MNAT1: variants seen among roughly 807,000 people sequenced by gnomAD.
MNAT1 encodes the protein MNAT1 component of CDK activating kinase.
In MNAT1, 43 loss-of-function variants were observed where a neutral mutation model predicts 42.0. The observed-to-expected ratio is 1.02, with a 90% CI of 0.80 to 1.32. The LOEUF is 1.32. Ranked by LOEUF, MNAT1 falls within the 40% of genes most tolerant of loss-of-function variation. The pLI is 0.00. For missense variants in MNAT1, 306 were observed against 350.4 expected (o/e 0.87, Z 1.01); for synonymous variants, 118 against 120.0 (o/e 0.98, Z 0.11).
chr14:60,920,540 C>T (rs1465433187), intron 7 of MNAT1, among the ~76,000 whole-genome samples: 1 of 152,092 alleles, frequency 6.6e-6, no homozygotes, highest in Admixed American at 6.6e-5. Context: ...CTGCCTCAGC[C>T]TCCTGAGTAG....
intron 7 of MNAT1, among the ~76,000 whole-genome samples, chr14:60,957,344 A>G (rs2036504545): frequency 1.3e-5 from 2 of 152,206 alleles, no homozygotes; most frequent in African/African-American, 4.8e-5. Flanking sequence ...ATTGACTCTC[A>G]GTTCCACATG....
chr14:60,934,173 C>CA, intron 7 of MNAT1, among the ~76,000 whole-genome samples: 1 of 152,300 alleles, frequency 6.6e-6, no homozygotes, highest in East Asian at 1.9e-4. Flanking sequence ...CTTCCAAGAG[C>CA]AACTTATCTG....
intron 1 of MNAT1, among the ~76,000 whole-genome samples, chr14:60,773,317 G>A (rs996582579): frequency 6.6e-6 from 1 of 152,130 alleles, no homozygotes; most frequent in African/African-American, 2.4e-5. Context: ...TTGATGTAGT[G>A]AGTGGAAGTA....
chr14:60,910,091 G>A (rs1178895317), intron 7 of MNAT1, among the ~76,000 whole-genome samples: 1 of 152,162 alleles, frequency 6.6e-6, no homozygotes, highest in Non-Finnish European at 1.5e-5. Context: ...AAGCAATTAT[G>A]AATGGGAGTT....
rs2032446453 is a variant in MNAT1 at position 60,808,425 on chromosome 14, G to A, written c.417G>A (p.Lys139=). Residue 139 remains lysine, a synonymous_variant, in exon 4 of 8, where the codon AAG becomes AAA. Transcript: ENST00000261245. ...ATGTTATTCAGAAAAATAAATTAAA[G>A]CTGGTCGGTTGCTAAGTATTTTCTT... is the stretch of plus-strand genomic sequence containing the variant. ...NKDVIQKNKL[K]LTREQEELEE... The A allele has an allele frequency of 2.0e-6, 3 of 1,515,556 alleles. No homozygotes were observed. The highest frequency in any genetic ancestry group is 2.7e-6 in the Non-Finnish European group (3 of 1,118,938). 93.9% of individuals were successfully genotyped at this position (1,515,556 alleles called of 1,614,324 possible). A position where few individuals can be genotyped will look rare whatever the true frequency, so the allele number is the denominator to read the frequency against.
At chr14:60,908,354 G>A (rs538001290) in intron 7 of MNAT1, among the ~76,000 whole-genome samples, 2 of 151,816 alleles carry the variant, frequency 1.3e-5, no homozygotes, top group African/African-American at 4.8e-5. Context: ...AAGTTTTACG[G>A]TATATGTGTA....
At chr14:60,915,889 T>C (rs1242596887) in intron 7 of MNAT1, among the ~76,000 whole-genome samples, 2 of 152,156 alleles carry the variant, frequency 1.3e-5, no homozygotes, top group East Asian at 3.9e-4. Flanking sequence ...TCAGAAGCAA[T>C]AGTATTCTTA....
rs550444755 is a variant in MNAT1 at position 60,968,971 on chromosome 14, C to T, written c.*622C>T. On this transcript the variant is annotated 3_prime_UTR_variant, in exon 8 of 8. Transcript: ENST00000261245. ...AAACCTTGATCAAGGTGTTATAGTT[C>T]CCAGCTGTGAGCCACACTCAGGATA... The T allele has an allele frequency of 3.2e-5, 5 of 156,528 alleles. No individual in the cohort carries two copies. The East Asian group carries it at 7.6e-4, about 24-fold the overall frequency. 9.7% of individuals were successfully genotyped at this position (156,528 alleles called of 1,614,324 possible).
At chr14:60,859,751 T>C (rs1035950937) in intron 6 of MNAT1, among the ~76,000 whole-genome samples, 2 of 152,188 alleles carry the variant, frequency 1.3e-5, no homozygotes, top group South Asian at 2.1e-4. Flanking sequence ...ACCTTACTGA[T>C]ACCAGGAAGT....
intron 1 of MNAT1, among the ~76,000 whole-genome samples, chr14:60,793,204 T>C (rs974432413): frequency 6.6e-6 from 1 of 151,244 alleles, no homozygotes; most frequent in African/African-American, 2.4e-5. Context: ...TTTTTGCTTG[T>C]TTGTTTGTTT....
chr14:60,869,886 A>G lies in MNAT1; in HGVS notation c.688-9828A>G, dbSNP rs4151278. On this transcript the variant is annotated intron_variant, in intron 6 of 7. Transcript: ENST00000261245. ...ATGTGTGTTTCTATTTTAACATAGT[A>G]TGTGTTTAGAGTTAACACAAAAGAT... Among the ~76,000 whole-genome samples, 302 of 152,288 alleles carry G rather than the reference A, an allele frequency of 2.0e-3. 1 individual carries two copies. The highest frequency in any genetic ancestry group is 6.4e-3 in the African/African-American group (267 of 41,570).
chr14:60,761,401 G>C (rs906277972), intron 1 of MNAT1, among the ~76,000 whole-genome samples: 1 of 152,178 alleles, frequency 6.6e-6, no homozygotes, highest in Non-Finnish European at 1.5e-5. Context: ...TCTTTGAACA[G>C]TGTTCTCTAA....
chr14:60,888,546 G>T (rs1468750433), intron 7 of MNAT1, among the ~76,000 whole-genome samples: 1 of 151,820 alleles, frequency 6.6e-6, no homozygotes, highest in Non-Finnish European at 1.5e-5. Flanking sequence ...ACAAGACAGG[G>T]ATGCCCTCTC....
chr14:60,965,879 A>C (rs1011371663), intron 7 of MNAT1, among the ~76,000 whole-genome samples: 5 of 152,224 alleles, frequency 3.3e-5, no homozygotes, highest in African/African-American at 1.2e-4. Context: ...GTTACCTATA[A>C]AAATATTACT....
intron 1 of MNAT1, among the ~76,000 whole-genome samples, chr14:60,756,199 C>G (rs777098556): frequency 3.9e-5 from 6 of 152,110 alleles, no homozygotes; most frequent in Admixed American, 1.3e-4. Flanking sequence ...AACCTCTGTT[C>G]ATAACGAGCT....
chr14:60,790,702 A>G (rs970365980), intron 1 of MNAT1, among the ~76,000 whole-genome samples: 3 of 152,218 alleles, frequency 2.0e-5, no homozygotes, highest in Non-Finnish European at 4.4e-5. Context: ...AAATTGACTG[A>G]GTCCTGTCTC....
chr14:60,780,190 A>G lies in MNAT1; in HGVS notation c.90-16027A>G, dbSNP rs80154458. On this transcript the variant is annotated intron_variant, in intron 1 of 7. Transcript: ENST00000261245. ...AATACCTAAATAATGTGGTGGAACA[A>G]CTAAAAGATTGGTTATACAAGTGTT... The G allele has an allele frequency of 2.5e-3, 3,725 of 1,504,702 alleles. 90 individuals are homozygous for G. The African/African-American group carries it at 0.045, about 18-fold the overall frequency. 93.2% of individuals were successfully genotyped at this position (1,504,702 alleles called of 1,614,324 possible).
intron 6 of MNAT1, among the ~76,000 whole-genome samples, chr14:60,857,317 A>G (rs1020825119): frequency 6.6e-6 from 1 of 152,216 alleles, no homozygotes; most frequent in African/African-American, 2.4e-5. Context: ...GCAGTTCAAG[A>G]CTTAAGCGGA....
intron 7 of MNAT1, among the ~76,000 whole-genome samples, chr14:60,902,766 A>G (rs1038343151): frequency 6.6e-6 from 1 of 152,066 alleles, no homozygotes; most frequent in African/African-American, 2.4e-5. Context: ...AATTTTCATT[A>G]TATTCTACTT....
Sources: allele counts gnomAD v4.1 joint callset (sites outside exome capture counted in the v4.1 genomes callset), GRCh38; gene constraint gnomAD v4.1.1; transcripts MANE v1.5; gene names NCBI Gene and HGNC (gene_info 2026-07-23, HGNC 2026-07-21).